RBM20: variants seen among roughly 807,000 people sequenced by gnomAD.
The protein encoded by RBM20 is RNA binding motif protein 20.
In RBM20, 51 loss-of-function variants were observed where a neutral mutation model predicts 110.1. The ratio of observed to expected loss-of-function variants is 0.46; its 90% confidence interval spans 0.37 to 0.59. The LOEUF (loss-of-function observed/expected upper bound fraction) is 0.59, where lower values mean the gene tolerates loss of function less well. RBM20 is among the 20% of genes least tolerant of loss of function. The probability of loss-of-function intolerance (pLI) is 0.00; values close to 1 mark genes in which losing one functional copy is unlikely to be tolerated. For synonymous variants in RBM20, 589 were observed against 618.2 expected (o/e 0.95, Z 0.70); for missense variants, 1,512 against 1,574.9 (o/e 0.96, Z 0.68).
chr10:110,729,224 A>G (rs1280829122), intron 1 of RBM20, among the ~76,000 whole-genome samples: 1 of 152,234 alleles, frequency 6.6e-6, no homozygotes, highest in African/African-American at 2.4e-5. Flanking sequence ...TTTAACCTCA[A>G]TAATCCTTTT....
intron 13 of RBM20, 70 bp downstream of exon 13, chr10:110,831,252 G>A (rs1033583595): frequency 1.5e-5 from 22 of 1,507,556 alleles, no homozygotes; most frequent in African/African-American, 9.7e-5. Flanking sequence ...CAGGTGTCTG[G>A]CGTCCTTGGC....
chr10:110,661,484 T>C (rs868574201), intron 1 of RBM20, among the ~76,000 whole-genome samples: 1 of 152,216 alleles, frequency 6.6e-6, no homozygotes, highest in Non-Finnish European at 1.5e-5. Flanking sequence ...AACAACCGTG[T>C]GTCCAGCAAT....
intron 13 of RBM20, among the ~76,000 whole-genome samples, chr10:110,834,103 C>T (rs115428912): frequency 0.015 from 2,333 of 152,296 alleles, 63 homozygotes; most frequent in African/African-American, 0.053. Context: ...AAGAACCCAC[C>T]CAGAGTGATT....
intron 1 of RBM20, among the ~76,000 whole-genome samples, chr10:110,666,202 A>G (rs1046207985): frequency 1.3e-5 from 2 of 152,232 alleles, no homozygotes; most frequent in Non-Finnish European, 2.9e-5. Context: ...AAATCATTAT[A>G]TTATTCTCTC....
At chr10:110,676,683 C>G (rs965907148) in intron 1 of RBM20, among the ~76,000 whole-genome samples, 1 of 152,214 alleles carries the variant, frequency 6.6e-6, no homozygotes, top group African/African-American at 2.4e-5. Flanking sequence ...AGAACAACTT[C>G]TTGTACTTTT....
At chr10:110,705,042 CT>C (rs1260310017) in intron 1 of RBM20, among the ~76,000 whole-genome samples, 2 of 152,176 alleles carry the variant, frequency 1.3e-5, no homozygotes. Context: ...CATGGCCTTG[CT>C]GGAAAATGGC....
At chr10:110,648,424 A>G (rs1221441074) in intron 1 of RBM20, among the ~76,000 whole-genome samples, 3 of 152,228 alleles carry the variant, frequency 2.0e-5, no homozygotes, top group Non-Finnish European at 4.4e-5. Flanking sequence ...ATGTTCACCC[A>G]CTTTGATGGG....
chr10:110,756,283 G>A (rs1013524679), intron 1 of RBM20, among the ~76,000 whole-genome samples: 6 of 152,226 alleles, frequency 3.9e-5, no homozygotes, highest in African/African-American at 1.4e-4. Context: ...GGAAAAGCCT[G>A]TAAATCATTT....
At chr10:110,826,044 GC>G (rs1178000012) in intron 12 of RBM20, among the ~76,000 whole-genome samples, 1 of 152,146 alleles carries the variant, frequency 6.6e-6, no homozygotes, top group Admixed American at 6.5e-5. Flanking sequence ...GAGCGTCCTA[GC>G]CAGGGGGTTG....
chr10:110,665,767 G>C (rs1356889979), intron 1 of RBM20, among the ~76,000 whole-genome samples: 3 of 152,072 alleles, frequency 2.0e-5, no homozygotes, highest in Admixed American at 2.0e-4. Flanking sequence ...ACATTAAAAA[G>C]AATATTATTT....
At chr10:110,742,976 G>A (rs561941473) in intron 1 of RBM20, among the ~76,000 whole-genome samples, 7 of 152,286 alleles carry the variant, frequency 4.6e-5, no homozygotes, top group Non-Finnish European at 7.4e-5. Flanking sequence ...AAGGCGGCCC[G>A]GGCTGTCATC....
chr10:110,803,664 C>T (rs761547987), intron 7 of RBM20, among the ~76,000 whole-genome samples: 15 of 151,942 alleles, frequency 9.9e-5, no homozygotes, highest in East Asian at 9.7e-4. Flanking sequence ...TTGTGAAGGT[C>T]GCATGGAATA....
At chr10:110,740,946 A>G (rs542196962) in intron 1 of RBM20, among the ~76,000 whole-genome samples, 27 of 152,074 alleles carry the variant, frequency 1.8e-4, no homozygotes, top group Non-Finnish European at 3.8e-4. Flanking sequence ...CATGGCTCTC[A>G]TTACCTGGGC....
At chr10:110,698,635 G>A (rs1862707469) in intron 1 of RBM20, among the ~76,000 whole-genome samples, 1 of 152,194 alleles carries the variant, frequency 6.6e-6, no homozygotes, top group Admixed American at 6.5e-5. Context: ...GCGTGGAACT[G>A]GATACAGAAG....
At chr10:110,679,035 C>G (rs1862382443) in intron 1 of RBM20, among the ~76,000 whole-genome samples, 1 of 152,146 alleles carries the variant, frequency 6.6e-6, no homozygotes, top group Admixed American at 6.5e-5. Flanking sequence ...GAGACCTGGG[C>G]AGGAAACTTG....
intron 12 of RBM20, among the ~76,000 whole-genome samples, chr10:110,825,177 C>T (rs1282967006): frequency 1.3e-5 from 2 of 152,066 alleles, no homozygotes; most frequent in East Asian, 1.9e-4. Context: ...AAAACAGTTG[C>T]AAAGGCCACC....
intron 1 of RBM20, among the ~76,000 whole-genome samples, chr10:110,717,610 C>T (rs988132668): frequency 6.6e-6 from 1 of 152,168 alleles, no homozygotes; most frequent in Non-Finnish European, 1.5e-5. Context: ...CCACCCCTGC[C>T]GTTGACTGGT....
Position 110,812,689 on chromosome 10 carries a change from C to G in RBM20, c.2292C>G (p.Pro764=). The change falls in exon 9 of 14, where the codon CCC becomes CCG. Residue 764 remains proline (P), a synonymous_variant. Coordinates refer to ENST00000369519, the MANE Select transcript of RBM20 (RefSeq NM_001134363.3). ...SREDGYYRKE[P]KAKSDKYLKQ... is the part of the protein sequence containing the mutation. ...AAGACGGCTACTACCGGAAAGAGCCCAAAGCCAAGTCGGACAAGTATCTGA... is the reference window on the plus strand; with the variant it reads ...AAGACGGCTACTACCGGAAAGAGCCGAAAGCCAAGTCGGACAAGTATCTGA... The G allele has an allele frequency of 1.3e-6, 2 of 1,551,716 alleles. No individual in the cohort carries two copies. Among genetic ancestry groups the G allele is most frequent in the Non-Finnish European group, 1.7e-6 (2 of 1,147,006 alleles).
intron 1 of RBM20, among the ~76,000 whole-genome samples, chr10:110,758,597 C>T (rs1843952474): frequency 6.6e-6 from 1 of 152,144 alleles, no homozygotes; most frequent in South Asian, 2.1e-4. Flanking sequence ...GACTCAGTCA[C>T]ATGAAGATAT....
Sources: allele counts gnomAD v4.1 joint callset (sites outside exome capture counted in the v4.1 genomes callset), GRCh38; gene constraint gnomAD v4.1.1; transcripts MANE v1.5; gene names NCBI Gene and HGNC (gene_info 2026-07-23, HGNC 2026-07-21).